TG: variants seen among roughly 807,000 people sequenced by gnomAD.
The protein encoded by TG is thyroglobulin.
Under a neutral mutation model 324.7 loss-of-function variants are expected in TG, and 270 were observed. The observed-to-expected ratio is 0.83, with a 90% CI of 0.75 to 0.92. The LOEUF is 0.92. TG is among the 40% of genes least tolerant of loss of function. The pLI, the probability that TG is intolerant of heterozygous loss-of-function variation, is 0.00. For synonymous variants in TG, 1,401 were observed against 1,327.0 expected (o/e 1.06, Z -1.21); for missense variants, 3,591 against 3,456.4 (o/e 1.04, Z -0.98).
At chr8:133,116,102 G>A (rs891907954) in intron 44 of TG, among the ~76,000 whole-genome samples, 1 of 152,068 alleles carries the variant, frequency 6.6e-6, no homozygotes, top group Admixed American at 6.6e-5. Flanking sequence ...TAGAGATGGG[G>A]TGGCAAAATC....
chr8:133,020,540 C>A (rs541780997), intron 39 of TG, among the ~76,000 whole-genome samples: 1 of 152,284 alleles, frequency 6.6e-6, no homozygotes, highest in South Asian at 2.1e-4. Flanking sequence ...CTTCACTGAT[C>A]TGTCCCACAG....
chr8:132,873,124 C>T lies in TG; in HGVS notation c.541C>T (p.Pro181Ser). 5 of 1,614,148 alleles carry T rather than the reference C, an allele frequency of 3.1e-6. No homozygotes were observed. The highest frequency in any genetic ancestry group is 4.2e-6 in the Non-Finnish European group (5 of 1,180,028). ...CCACGGGGTGGGAGATAAGTCACCA[C>T]CCCAGTGTTCTGCGGAGGGAGAGTT... Reference protein sequence around the residue: ...LLHGVGDKSPPQCSAEGEFMP... With the variant: ...LLHGVGDKSPSQCSAEGEFMP... The change falls in exon 5 of 48, where the codon CCC becomes TCC. Residue 181 changes from proline to serine, a missense_variant. Physicochemically the swap from Pro to Ser is moderately conservative, Grantham distance 74. Coordinates refer to ENST00000220616, the MANE Select transcript of TG (RefSeq NM_003235.5).
intron 43 of TG, among the ~76,000 whole-genome samples, chr8:133,100,185 G>A (rs1849028271): frequency 6.6e-6 from 1 of 152,160 alleles, no homozygotes; most frequent in South Asian, 2.1e-4. Context: ...GGTACTTGCT[G>A]TTTTTTCTTC....
At chr8:133,052,496 C>T (rs553891901) in intron 41 of TG, among the ~76,000 whole-genome samples, 1 of 152,162 alleles carries the variant, frequency 6.6e-6, no homozygotes, top group Non-Finnish European at 1.5e-5. Context: ...AGACCTCTGA[C>T]CTGTCCTGCT....
chr8:133,055,893 A>T (rs1165044469), intron 41 of TG, among the ~76,000 whole-genome samples: 1 of 151,896 alleles, frequency 6.6e-6, no homozygotes, highest in East Asian at 1.9e-4. Context: ...TCTGGGGGGA[A>T]TCAGGCACTG....
intron 45 of TG, among the ~76,000 whole-genome samples, chr8:133,127,152 C>T (rs376126897): frequency 6.6e-6 from 1 of 152,182 alleles, no homozygotes; most frequent in African/African-American, 2.4e-5. Flanking sequence ...TCCTCACACC[C>T]TCACCTCATC....
chr8:133,054,691 G>C (rs1564125178), intron 41 of TG, among the ~76,000 whole-genome samples: 2 of 152,192 alleles, frequency 1.3e-5, no homozygotes, highest in Non-Finnish European at 2.9e-5. Flanking sequence ...ACTCCACTTG[G>C]TGAGAACAGA....
At chr8:133,057,193 T>G (rs994746627) in intron 41 of TG, among the ~76,000 whole-genome samples, 2 of 145,998 alleles carry the variant, frequency 1.4e-5, no homozygotes, top group African/African-American at 5.5e-5. Flanking sequence ...CCTCTTCAGG[T>G]CAGGGTGATA....
chr8:133,096,953 A>G (rs1588086950), intron 43 of TG, among the ~76,000 whole-genome samples: 1 of 152,226 alleles, frequency 6.6e-6, no homozygotes, highest in Non-Finnish European at 1.5e-5. Context: ...GCCAGAAGTT[A>G]CAGCCACTCA....
chr8:133,102,243 A>G (rs1303160179), intron 43 of TG, among the ~76,000 whole-genome samples: 10 of 152,234 alleles, frequency 6.6e-5, no homozygotes, highest in Admixed American at 6.5e-4. Flanking sequence ...TCCAAATTGT[A>G]GTAAACACAA....
intron 43 of TG, among the ~76,000 whole-genome samples, chr8:133,104,609 C>G (rs55868060): frequency 0.25 from 38,064 of 151,996 alleles, 4,978 homozygotes; most frequent in South Asian, 0.3. Context: ...TCACAATAGC[C>G]AAGAAAAGAA....
At chr8:132,967,392 C>T (rs1173032213) in intron 30 of TG, among the ~76,000 whole-genome samples, 1 of 152,200 alleles carries the variant, frequency 6.6e-6, no homozygotes, top group Non-Finnish European at 1.5e-5. Flanking sequence ...ATACCAGGGG[C>T]ACAGGCTGAC....
intron 43 of TG, among the ~76,000 whole-genome samples, chr8:133,109,880 G>A (rs1294483654): frequency 1.3e-5 from 2 of 152,148 alleles, no homozygotes; most frequent in African/African-American, 4.8e-5. Flanking sequence ...TTATGAACTT[G>A]TTTTACTCCT....
chr8:132,923,330 G>C lies in TG; in HGVS notation c.4529-8G>C, dbSNP rs765724593. On this transcript the variant is annotated splice_polypyrimidine_tract_variant and splice_region_variant and intron_variant, in intron 21 of 47. Coordinates refer to ENST00000220616, the MANE Select transcript of TG (RefSeq NM_003235.5). ...TTATTGACGGCTATGTCAATCTATT[G>C]GTTCTAGGTGTCACTGACTGTCAGA... 1.2e-6 allele frequency: 2 copies of C among 1,614,046 alleles called. No homozygotes were observed. The highest frequency in any genetic ancestry group is 1.7e-6 in the Non-Finnish European group (2 of 1,179,994).
At chr8:133,073,791 T>C (rs938700648) in intron 41 of TG, among the ~76,000 whole-genome samples, 2 of 152,132 alleles carry the variant, frequency 1.3e-5, no homozygotes, top group Non-Finnish European at 2.9e-5. Flanking sequence ...CCCAACCCTT[T>C]AGAGCCCCTC....
intron 27 of TG, among the ~76,000 whole-genome samples, chr8:132,953,032 G>A (rs759955558): frequency 1.1e-4 from 17 of 152,182 alleles, no homozygotes; most frequent in Admixed American, 2.6e-4. Context: ...AGGGGTCTCC[G>A]GTAACTGAGA....
At position 133,018,498 on chromosome 8, in the gene TG, GA is replaced by G. The variant is rs1256567766; in HGVS notation, c.6782+504del. 8.6e-5 allele frequency among the ~76,000 whole-genome samples: 13 copies of G among 150,436 alleles called. 1 individual carries two copies. The South Asian group carries it at 2.7e-3, about 32-fold the overall frequency. On this transcript the variant is annotated intron_variant, in intron 38 of 47. Coordinates refer to ENST00000220616, the MANE Select transcript of TG (RefSeq NM_003235.5). ...TTGAAGGGAAAGTAAATGAGCTAAT[GA>G]AATTTTTCCCACTAGGAAAAAAATT...
chr8:132,969,493 C>T lies in TG; in HGVS notation c.5899C>T (p.Arg1967Cys), dbSNP rs531115217. ...LEDKVKNFYT[R>C]LPFQKLMGIS... ...AGATAAAGTGAAGAACTTTTACACTCGCCTGCCGTTCCAAAAACTGATGGG... is the reference window on the plus strand; with the variant it reads ...AGATAAAGTGAAGAACTTTTACACTTGCCTGCCGTTCCAAAAACTGATGGG... The change falls in exon 32 of 48, where the codon CGC (arginine) becomes TGC (cysteine). Residue 1967 changes from arginine to cysteine, a missense_variant. Arg to Cys is a radical substitution (Grantham distance 180). Transcript: ENST00000220616. 29 of 1,613,902 alleles carry T rather than the reference C, an allele frequency of 1.8e-5. No individual in the cohort carries two copies. The highest frequency in any genetic ancestry group is 4.5e-5 in the East Asian group (2 of 44,868).
At chr8:133,120,942 A>G (rs1463554821) in intron 45 of TG, among the ~76,000 whole-genome samples, 1 of 152,150 alleles carries the variant, frequency 6.6e-6, no homozygotes, top group Admixed American at 6.5e-5. Context: ...TGGAATCACA[A>G]CCTCAGACTC....
Sources: gnomAD v4.1 joint callset for allele counts (sites outside exome capture counted in the v4.1 genomes callset) on GRCh38, gnomAD v4.1.1 for gene constraint, MANE v1.5 for transcripts, NCBI Gene and HGNC (gene_info 2026-07-23, HGNC 2026-07-21) for gene names.